Variants in RASA2 observed in about 807,000 individuals in gnomAD.
The protein encoded by RASA2 is RAS p21 protein activator 2, also known as ras GTPase-activating protein 2.
Under a neutral mutation model 118.2 loss-of-function variants are expected in RASA2, and 155 were observed. The observed-to-expected ratio is 1.31, with a 90% confidence interval of 1.15 to 1.50. The LOEUF is 1.50. Among genes scored for constraint, RASA2 ranks in the 40% most tolerant of loss-of-function variants. RASA2 has a pLI of 0.00. For missense variants in RASA2, 1,016 were observed against 1,009.6 expected, an observed-to-expected ratio of 1.01 and a Z score of -0.09; for synonymous variants, 353 against 349.1, an observed-to-expected ratio of 1.01 and a Z score of -0.12.
chr3:141,571,997 GT>G, intron 11 of RASA2, among the ~76,000 whole-genome samples: 1 of 128,854 alleles, frequency 7.8e-6, no homozygotes, highest in Non-Finnish European at 1.6e-5. Flanking sequence ...CACATTTTTG[GT>G]TCATAAACAT....
intron 9 of RASA2, among the ~76,000 whole-genome samples, chr3:141,562,649 A>G (rs1297096377): frequency 7.5e-6 from 1 of 134,134 alleles, no homozygotes; most frequent in African/African-American, 2.7e-5. Flanking sequence ...AACAACAACA[A>G]CACACAAAAA....
rs530297967 is a variant in RASA2 at position 141,615,211 on chromosome 3, A to G, written c.*2898A>G. 9.2e-5 allele frequency: 14 copies of G among 152,304 alleles called. No individual in the cohort carries two copies. Among genetic ancestry groups the G allele is most frequent in the African/African-American group, 2.9e-4 (12 of 41,568 alleles). 9.4% of individuals were successfully genotyped at this position (152,304 alleles called of 1,614,324 possible). A position where few individuals can be genotyped will look rare whatever the true frequency, so the allele number is the denominator to read the frequency against. On this transcript the variant is annotated 3_prime_UTR_variant, in exon 24 of 24. Coordinates refer to ENST00000286364, the MANE Select transcript of RASA2 (RefSeq NM_006506.5). ...TAAGTTATCAAAACTTAATGTAGTG[A>G]ATTTGTGTAACCATGTTGTATTGTT... is the stretch of plus-strand genomic sequence containing the variant.
Position 141,487,210 on chromosome 3 carries a change from A to G in RASA2, c.127A>G (p.Lys43Glu). 1.4e-6 allele frequency: 2 copies of G among 1,424,038 alleles called. No individual in the cohort carries two copies. Among genetic ancestry groups the G allele is most frequent in the Non-Finnish European group, 9.3e-7 (1 of 1,076,124 alleles). 88.2% of individuals were successfully genotyped at this position (1,424,038 alleles called of 1,614,324 possible). A position where few individuals can be genotyped will look rare whatever the true frequency, so the allele number is the denominator to read the frequency against. The stretch of plus-strand genomic sequence containing the variant: ...TCGAGTGTTGCAGAGCCTGCGGGGC[A>G]AGATCTGTAAGCGGGGGCTGGGCTG... ...EVRVLQSLRG[K>E]ICEAKNLLPY... Residue 43 changes from lysine (K) to glutamate (E), a missense_variant, in exon 1 of 24, where the codon AAG becomes GAG. Transcript: ENST00000286364.
intron 15 of RASA2, among the ~76,000 whole-genome samples, chr3:141,580,115 T>TATATATATAG (rs1454098208): frequency 1.6e-5 from 2 of 127,678 alleles, no homozygotes; most frequent in Non-Finnish European, 3.2e-5. Flanking sequence ...TATATATATA[T>TATATATATAG]ATGACTTTTA....
chr3:141,536,602 G>A (rs995667132), intron 4 of RASA2, among the ~76,000 whole-genome samples: 1 of 152,060 alleles, frequency 6.6e-6, no homozygotes, highest in South Asian at 2.1e-4. Context: ...TATTAAAGAC[G>A]TATAATACAG....
At chr3:141,503,048 G>A (rs1367979560) in intron 1 of RASA2, among the ~76,000 whole-genome samples, 1 of 152,104 alleles carries the variant, frequency 6.6e-6, no homozygotes, top group Non-Finnish European at 1.5e-5. Flanking sequence ...ATTTATGAAA[G>A]GGAATAGTAA....
chr3:141,550,553 G>A (rs1176147678), intron 5 of RASA2, among the ~76,000 whole-genome samples: 1 of 152,214 alleles, frequency 6.6e-6, no homozygotes, highest in Non-Finnish European at 1.5e-5. Context: ...TCTACAAAAC[G>A]TTAACATTTG....
Position 141,559,977 on chromosome 3 carries a change from A to T in RASA2, c.845A>T (p.Asp282Val), listed in dbSNP as rs1023836831. The T allele has an allele frequency of 6.2e-7, 1 of 1,612,904 alleles. No homozygotes were observed. The highest frequency in any genetic ancestry group is 1.3e-5 in the African/African-American group (1 of 75,018). Residue 282 changes from aspartate (D) to valine (V), a missense_variant, in exon 9 of 24, where the codon GAT becomes GTT. By Grantham distance (152) the Asp-to-Val change is radical. This residue lies in a region of RASA2 where 896 missense variants were observed against 836.4 expected (regional missense o/e 1.07). Coordinates refer to ENST00000286364, the MANE Select transcript of RASA2 (RefSeq NM_006506.5). ...IKVPVNVLRT[D>V]SSHQAWYLLQ... is the part of the protein sequence containing the mutation. ...GTTCCTGTGAACGTATTAAGAACTG[A>T]TTCCTCTCATCAAGCCTGGTAAGGG...
chr3:141,542,054 C>T (rs546610247), intron 5 of RASA2, among the ~76,000 whole-genome samples: 2 of 150,220 alleles, frequency 1.3e-5, no homozygotes, highest in African/African-American at 2.5e-5. Context: ...TTTTTTGTGC[C>T]CCTTCCCCCC....
intron 3 of RASA2, among the ~76,000 whole-genome samples, chr3:141,520,647 C>CAT (rs35556356): frequency 0.43 from 65,368 of 151,534 alleles, 15,585 homozygotes; most frequent in African/African-American, 0.63. Flanking sequence ...GTTACATACA[C>CAT]ATATATATAT....
chr3:141,562,830 A>C (rs573017981), intron 9 of RASA2, among the ~76,000 whole-genome samples: 1 of 151,518 alleles, frequency 6.6e-6, no homozygotes, highest in Non-Finnish European at 1.5e-5. Flanking sequence ...CCGCCACCAC[A>C]CCCAGCTAAT....
At chr3:141,487,542 GCCGGGGGCGCGGT>G (rs1442755923) in intron 1 of RASA2, among the ~76,000 whole-genome samples, 6 of 152,048 alleles carry the variant, frequency 3.9e-5, no homozygotes, top group African/African-American at 4.8e-5. Flanking sequence ...CCGGGGCGCG[GCCGGGGGCGCGGT>G]CCGGGGGCGT....
At chr3:141,497,500 CAA>C (rs1413335544) in intron 1 of RASA2, among the ~76,000 whole-genome samples, 1 of 152,070 alleles carries the variant, frequency 6.6e-6, no homozygotes. Context: ...ATCTGCAAAA[CAA>C]GAGTAATCAA....
chr3:141,585,730 G>C (rs1263542466), intron 17 of RASA2, among the ~76,000 whole-genome samples: 2 of 152,160 alleles, frequency 1.3e-5, no homozygotes, highest in South Asian at 4.1e-4. Flanking sequence ...AACCCAGGAA[G>C]GAGAGGTTGC....
rs563221453 is a variant in RASA2 at position 141,571,788 on chromosome 3, T to C, written c.1169+234T>C. The stretch of plus-strand genomic sequence containing the variant: ...TTTCTTTAACTCAGGAAATTTCATT[T>C]GTTACTAATCTGCTTCTTAGTGTAA... On this transcript the variant is annotated intron_variant, in intron 11 of 23. Coordinates refer to ENST00000286364, the MANE Select transcript of RASA2 (RefSeq NM_006506.5). 5.3e-5 allele frequency among the ~76,000 whole-genome samples: 8 copies of C among 152,232 alleles called. No homozygotes were observed. In the East Asian group the frequency reaches 1.4e-3, roughly 26 times the overall value.
chr3:141,529,673 A>C (rs79308158), intron 3 of RASA2, 35 bp from the exon 4 acceptor site: 2 of 1,451,654 alleles, frequency 1.4e-6, no homozygotes, highest in Non-Finnish European at 1.9e-6. Context: ...TATACGAAGC[A>C]TGTTTTCTTA....
chr3:141,573,417 A>C (rs58287573), intron 13 of RASA2, among the ~76,000 whole-genome samples, 196 bp downstream of exon 13: 1,894 of 152,180 alleles, frequency 0.012, 43 homozygotes, highest in African/African-American at 0.043. Context: ...GTTTCACTTT[A>C]TTTTTGTTCT....
chr3:141,564,971 C>G (rs1315760728), intron 9 of RASA2, among the ~76,000 whole-genome samples: 1 of 152,016 alleles, frequency 6.6e-6, no homozygotes, highest in Non-Finnish European at 1.5e-5. Context: ...CATTGCAATT[C>G]AGGTGCACCT....
At chr3:141,600,929 G>A (rs1482731868) in intron 19 of RASA2, among the ~76,000 whole-genome samples, 3 of 152,218 alleles carry the variant, frequency 2.0e-5, no homozygotes, top group Non-Finnish European at 4.4e-5. Flanking sequence ...AATCAAGATT[G>A]TAGGTTTAGG....
Sources: gnomAD v4.1 joint callset for allele counts (sites outside exome capture counted in the v4.1 genomes callset) on GRCh38, gnomAD v4.1.1 for gene constraint, gnomAD v4.1.1 regional missense constraint, MANE v1.5 for transcripts, NCBI Gene and HGNC (gene_info 2026-07-23, HGNC 2026-07-21) for gene names.